FRMD4A: variants seen among roughly 807,000 people sequenced by gnomAD.
The protein encoded by FRMD4A is FERM domain-containing protein 4A.
FRMD4A carries 29 observed loss-of-function variants against 129.1 expected under a neutral mutation model. That is an observed-to-expected ratio of 0.22 (90% CI 0.17 to 0.31). The LOEUF (loss-of-function observed/expected upper bound fraction) is 0.31. Ranked by LOEUF, FRMD4A falls within the 10% of genes least tolerant of loss-of-function variation. The probability of loss-of-function intolerance (pLI) is 1.00; values close to 1 mark genes in which losing one functional copy is unlikely to be tolerated. For synonymous variants in FRMD4A, 634 were observed against 571.6 expected (o/e 1.11, Z -1.56); for missense variants, 1,272 against 1,375.8 (o/e 0.92, Z 1.19).
At chr10:13,778,048 G>T (rs1320082561) in intron 6 of FRMD4A, among the ~76,000 whole-genome samples, 1 of 151,914 alleles carries the variant, frequency 6.6e-6, no homozygotes, top group Middle Eastern at 3.4e-3. Context: ...TGATCCACCC[G>T]CCTCTGCCTC....
chr10:14,019,549 G>T (rs956399038), intron 2 of FRMD4A, among the ~76,000 whole-genome samples: 2 of 152,170 alleles, frequency 1.3e-5, no homozygotes, highest in East Asian at 3.8e-4. Flanking sequence ...AGACTCATAA[G>T]TTGGCAGGAA....
intron 2 of FRMD4A, among the ~76,000 whole-genome samples, chr10:13,925,766 G>A (rs1169511487): frequency 6.6e-6 from 1 of 151,198 alleles, no homozygotes; most frequent in Non-Finnish European, 1.5e-5. Flanking sequence ...TGTAATTTTA[G>A]TAGAGACAGG....
At chr10:14,211,951 T>C (rs1401007682) in intron 2 of FRMD4A, among the ~76,000 whole-genome samples, 1 of 152,140 alleles carries the variant, frequency 6.6e-6, no homozygotes, top group Non-Finnish European at 1.5e-5. Flanking sequence ...CTGCCTGGTG[T>C]TTCTCTCTGT....
intron 2 of FRMD4A, among the ~76,000 whole-genome samples, chr10:14,211,028 G>A (rs1842920531): frequency 6.6e-6 from 1 of 152,100 alleles, no homozygotes; most frequent in South Asian, 2.1e-4. Context: ...TGCTCAGCCA[G>A]ATATTCAATT....
intron 2 of FRMD4A, among the ~76,000 whole-genome samples, chr10:13,906,073 C>A (rs1455630932): frequency 6.6e-6 from 1 of 152,214 alleles, no homozygotes; most frequent in East Asian, 1.9e-4. Flanking sequence ...GGCTGAGCCT[C>A]TGCAGCCCCC....
intron 4 of FRMD4A, among the ~76,000 whole-genome samples, chr10:13,797,359 G>T (rs2093142381): frequency 6.6e-6 from 1 of 152,200 alleles, no homozygotes; most frequent in Non-Finnish European, 1.5e-5. Context: ...ACCGCCAGGG[G>T]CAGTGGCTCA....
At chr10:14,265,311 G>T (rs1182141202) in intron 2 of FRMD4A, among the ~76,000 whole-genome samples, 2 of 152,080 alleles carry the variant, frequency 1.3e-5, no homozygotes, top group African/African-American at 4.8e-5. Context: ...CTCAGTTTAA[G>T]GTTCTGTGAG....
chr10:14,245,527 A>G (rs1844203262), intron 2 of FRMD4A, among the ~76,000 whole-genome samples: 1 of 152,180 alleles, frequency 6.6e-6, no homozygotes, highest in Admixed American at 6.5e-5. Flanking sequence ...CTTACCCCCC[A>G]AACTCATCTG....
At chr10:13,989,349 G>A (rs1478895507) in intron 2 of FRMD4A, among the ~76,000 whole-genome samples, 1 of 152,106 alleles carries the variant, frequency 6.6e-6, no homozygotes, top group Non-Finnish European at 1.5e-5. Context: ...ATGATCATTA[G>A]TAATTGATTT....
chr10:13,796,770 G>A (rs1452033414), intron 4 of FRMD4A, among the ~76,000 whole-genome samples, 182 bp from the exon 5 acceptor site: 1 of 152,090 alleles, frequency 6.6e-6, no homozygotes, highest in African/African-American at 2.4e-5. Context: ...ACCCAGGCTG[G>A]AGTGCAGTGG....
chr10:13,811,897 T>TG (rs2093454834), intron 3 of FRMD4A, among the ~76,000 whole-genome samples: 1 of 151,244 alleles, frequency 6.6e-6, no homozygotes, highest in African/African-American at 2.4e-5. Context: ...TTTTTTTTTT[T>TG]TTTTGAGATG....
At chr10:14,055,438 TACACACACACACACACACACACAA>T (rs1278140227) in intron 2 of FRMD4A, among the ~76,000 whole-genome samples, 107 of 137,040 alleles carry the variant, frequency 7.8e-4, no homozygotes, top group Middle Eastern at 3.5e-3. Flanking sequence ...CTGATCTAGC[TACACACACACACACACACACACAA>T]ACACACACAC....
At chr10:13,943,532 C>G (rs892447338) in intron 2 of FRMD4A, among the ~76,000 whole-genome samples, 1 of 150,496 alleles carries the variant, frequency 6.6e-6, no homozygotes, top group Non-Finnish European at 1.5e-5. Flanking sequence ...CCTGTAGTCC[C>G]AGCTACTTGG....
At chr10:13,886,674 G>T (rs1387624828) in intron 2 of FRMD4A, among the ~76,000 whole-genome samples, 3 of 152,068 alleles carry the variant, frequency 2.0e-5, no homozygotes, top group Non-Finnish European at 4.4e-5. Flanking sequence ...TCCAACTCCT[G>T]AACTCAAACA....
intron 12 of FRMD4A, among the ~76,000 whole-genome samples, chr10:13,732,071 TAGA>T (rs1256035493): frequency 1.3e-5 from 2 of 152,108 alleles, no homozygotes; most frequent in African/African-American, 2.4e-5. Flanking sequence ...GCTGTCTCTT[TAGA>T]AGGTCCAGGT....
Position 13,815,353 on chromosome 10 carries a change from C to A in FRMD4A, c.112-4445G>T, listed in dbSNP as rs1357669899. 2.6e-5 allele frequency among the ~76,000 whole-genome samples: 4 copies of A among 152,206 alleles called. No homozygotes were observed. The South Asian group carries it at 8.3e-4, about 32-fold the overall frequency. On this transcript the variant is annotated intron_variant, in intron 3 of 24. Transcript: ENST00000357447. Reference sequence around the variant, plus strand: ...CACTTAGATGAGGTAATTAAACAGGCAAATTCATAGAGACAACAGAATAGA... The same window carrying A: ...CACTTAGATGAGGTAATTAAACAGGAAAATTCATAGAGACAACAGAATAGA...
At chr10:14,154,561 A>C (rs1413169067) in intron 2 of FRMD4A, among the ~76,000 whole-genome samples, 2 of 152,254 alleles carry the variant, frequency 1.3e-5, no homozygotes, top group African/African-American at 2.4e-5. Context: ...AAGAGTTCTT[A>C]CGTAACTAGA....
At chr10:14,272,803 A>G (rs1845207808) in intron 2 of FRMD4A, among the ~76,000 whole-genome samples, 1 of 152,174 alleles carries the variant, frequency 6.6e-6, no homozygotes, top group Non-Finnish European at 1.5e-5. Flanking sequence ...TTACTTCACA[A>G]TGGGGCTTGA....
intron 2 of FRMD4A, among the ~76,000 whole-genome samples, chr10:14,213,926 C>A (rs1203644059): frequency 6.6e-6 from 1 of 152,214 alleles, no homozygotes; most frequent in Non-Finnish European, 1.5e-5. Context: ...TCTCTCTTAT[C>A]TGCCCCCATG....
Sources: gnomAD v4.1 joint callset for allele counts (sites outside exome capture counted in the v4.1 genomes callset) on GRCh38, gnomAD v4.1.1 for gene constraint, MANE v1.5 for transcripts, NCBI Gene and HGNC (gene_info 2026-07-23, HGNC 2026-07-21) for gene names.